GABRG3: variants seen among roughly 807,000 people sequenced by gnomAD.
GABRG3 encodes gamma-aminobutyric acid type A receptor subunit gamma3.
GABRG3 carries 25 observed loss-of-function variants against 48.8 expected under a neutral mutation model. The observed-to-expected ratio is 0.51, with a 90% CI of 0.37 to 0.72. The LOEUF (loss-of-function observed/expected upper bound fraction) is 0.72, where lower values mean the gene tolerates loss of function less well. GABRG3 is among the 30% of genes least tolerant of loss of function. GABRG3 has a pLI of 0.00. For missense variants in GABRG3, 394 were observed against 577.9 expected (o/e 0.68, Z 3.26); for synonymous variants, 227 against 217.6 (o/e 1.04, Z -0.38).
At chr15:27,478,048 C>CAAAAA (rs71132811) in intron 5 of GABRG3, among the ~76,000 whole-genome samples, 1 of 91,984 alleles carries the variant, frequency 1.1e-5, no homozygotes. Context: ...CTCCATGTCA[C>CAAAAA]AAAAAAAAAA....
Position 26,976,701 on chromosome 15 carries a change from G to A in GABRG3, c.54-301G>A, listed in dbSNP as rs1335509372. ...GGATCCAAGGGTGTGTTGCCTGCTG[G>A]TTGGCCCTCTGGTGTTGTTTACCTG... is the stretch of plus-strand genomic sequence containing the variant. On this transcript the variant is annotated intron_variant, in intron 1 of 9. Coordinates refer to ENST00000615808, the MANE Select transcript of GABRG3 (RefSeq NM_033223.5). This position sits in a 1 kb window ranked among gnomAD's most constrained non-coding sequence, Gnocchi z 7.8. Among the ~76,000 whole-genome samples the A allele has an allele frequency of 1.3e-5, 2 of 152,134 alleles. No homozygotes were observed. The highest frequency in any genetic ancestry group is 3.9e-4 in the East Asian group (2 of 5,190).
rs77611234 is a variant in GABRG3 at position 26,974,098 on chromosome 15, G to A, written c.53+2510G>A. 0.02 allele frequency among the ~76,000 whole-genome samples: 3,116 copies of A among 152,226 alleles called. 222 individuals carry two copies. In the East Asian group the frequency reaches 0.26, roughly 13 times the overall value. On this transcript the variant is annotated intron_variant, in intron 1 of 9. Transcript: ENST00000615808. The surrounding 1 kb of genome is among the most constrained non-coding windows in gnomAD (Gnocchi z 4.3). ...CTTCTATTTCATTTTCAGGATTTGAGGGAGAAGGGTGCTCACTGCCCAGGG... is the reference window on the plus strand; with the variant it reads ...CTTCTATTTCATTTTCAGGATTTGAAGGAGAAGGGTGCTCACTGCCCAGGG...
chr15:27,151,236 C>G (rs955933060), intron 3 of GABRG3, among the ~76,000 whole-genome samples: 1 of 152,114 alleles, frequency 6.6e-6, no homozygotes, highest in African/African-American at 2.4e-5. Context: ...ACACATTTCC[C>G]TCATGCTCTC....
At chr15:27,041,935 G>A (rs1896283645) in intron 3 of GABRG3, among the ~76,000 whole-genome samples, 2 of 152,168 alleles carry the variant, frequency 1.3e-5, no homozygotes, top group South Asian at 2.1e-4. Flanking sequence ...ACCTCTGAGA[G>A]GTCTTCATGC....
chr15:27,039,674 A>G (rs1174067510), intron 3 of GABRG3, among the ~76,000 whole-genome samples: 1 of 152,200 alleles, frequency 6.6e-6, no homozygotes, highest in Non-Finnish European at 1.5e-5. Context: ...CTGACAGTGC[A>G]TGCAGTTGTC....
intron 3 of GABRG3, among the ~76,000 whole-genome samples, chr15:27,099,425 C>T (rs959801552): frequency 1.3e-5 from 2 of 152,178 alleles, no homozygotes; most frequent in African/African-American, 4.8e-5. Context: ...TGTGTCTTCG[C>T]ATGGTTTCCC....
intron 3 of GABRG3, among the ~76,000 whole-genome samples, chr15:27,096,905 A>G (rs1318301429): frequency 1.4e-5 from 2 of 146,374 alleles, no homozygotes; most frequent in African/African-American, 2.5e-5. Context: ...CAGTGGCCCA[A>G]TCTCGGCTCA....
At chr15:27,304,142 C>G (rs1191691607) in intron 3 of GABRG3, among the ~76,000 whole-genome samples, 1 of 151,838 alleles carries the variant, frequency 6.6e-6, no homozygotes, top group Non-Finnish European at 1.5e-5. Flanking sequence ...AATTGTGCAG[C>G]ATTGAAAGCT....
intron 5 of GABRG3, among the ~76,000 whole-genome samples, chr15:27,413,716 T>G (rs1279973447): frequency 6.6e-6 from 1 of 152,174 alleles, no homozygotes; most frequent in Non-Finnish European, 1.5e-5. Context: ...TGAAGCTTGC[T>G]CCCAGAATAA....
chr15:27,271,243 G>A (rs28496291), intron 3 of GABRG3, among the ~76,000 whole-genome samples: 3,126 of 152,280 alleles, frequency 0.021, 113 homozygotes, highest in African/African-American at 0.071. Flanking sequence ...TGCCCTGCAC[G>A]CTGAAAGGGC....
chr15:27,282,067 G>A (rs1237500153), intron 3 of GABRG3, among the ~76,000 whole-genome samples: 1 of 152,028 alleles, frequency 6.6e-6, no homozygotes, highest in African/African-American at 2.4e-5. Flanking sequence ...TCTGGCCTTC[G>A]TGTTTCTGAT....
At chr15:26,980,242 C>T (rs995694369) in intron 2 of GABRG3, among the ~76,000 whole-genome samples, 4 of 151,836 alleles carry the variant, frequency 2.6e-5, no homozygotes, top group African/African-American at 9.7e-5. Context: ...TTTTATTGAC[C>T]TTTTTAAAGA....
At chr15:27,266,790 T>C (rs77247011) in intron 3 of GABRG3, among the ~76,000 whole-genome samples, 2,707 of 107,178 alleles carry the variant, frequency 0.025, 79 homozygotes, top group African/African-American at 0.085. Context: ...TTGATGGTAT[T>C]GTAAATGGTA....
intron 3 of GABRG3, among the ~76,000 whole-genome samples, chr15:27,039,289 G>T (rs139010644): frequency 6.6e-6 from 1 of 152,220 alleles, no homozygotes; most frequent in African/African-American, 2.4e-5. Flanking sequence ...CTAAAGACTG[G>T]CCAAGCACAG....
chr15:27,283,351 C>G (rs371342187), intron 3 of GABRG3, among the ~76,000 whole-genome samples: 1 of 152,188 alleles, frequency 6.6e-6, no homozygotes, highest in Non-Finnish European at 1.5e-5. Context: ...TGCCTGTAAT[C>G]CCAGCACTTT....
chr15:27,152,743 A>G (rs1047347499), intron 3 of GABRG3, among the ~76,000 whole-genome samples: 1 of 152,074 alleles, frequency 6.6e-6, no homozygotes, highest in Non-Finnish European at 1.5e-5. Context: ...TTCTTTGCAT[A>G]TTTCAGATAT....
chr15:27,339,881 C>T (rs753011030), intron 5 of GABRG3, among the ~76,000 whole-genome samples: 14 of 152,130 alleles, frequency 9.2e-5, no homozygotes, highest in African/African-American at 1.7e-4. Flanking sequence ...ATTTAGGTGA[C>T]CCTGCGTGAC....
intron 5 of GABRG3, among the ~76,000 whole-genome samples, chr15:27,351,806 G>A (rs1452279071): frequency 2.0e-5 from 3 of 149,632 alleles, no homozygotes; most frequent in Non-Finnish European, 4.4e-5. Context: ...TATATATGAT[G>A]TGTGTGTTTA....
chr15:27,307,871 ATGTATATGTTTATAT>A (rs1272305151), intron 3 of GABRG3, among the ~76,000 whole-genome samples: 3 of 134,888 alleles, frequency 2.2e-5, no homozygotes, highest in African/African-American at 5.4e-5. Context: ...ATATATATAA[ATGTATATGTTTATAT>A]ATAAAATATA....
Sources: allele counts gnomAD v4.1 joint callset (sites outside exome capture counted in the v4.1 genomes callset), GRCh38; gene constraint gnomAD v4.1.1; non-coding constraint Gnocchi (gnomAD v3.1); transcripts MANE v1.5; gene names NCBI Gene and HGNC (gene_info 2026-07-23, HGNC 2026-07-21).